PCSK2: variants seen among roughly 807,000 people sequenced by gnomAD.
The protein encoded by PCSK2 is neuroendocrine convertase 2.
Under a neutral mutation model 69.7 loss-of-function variants are expected in PCSK2, and 14 were observed. The observed-to-expected ratio is 0.20, with a 90% CI of 0.13 to 0.31. The LOEUF (loss-of-function observed/expected upper bound fraction) is 0.31, where lower values mean the gene tolerates loss of function less well. Among genes scored for constraint, PCSK2 ranks in the 10% least tolerant of loss-of-function variants. The pLI is 1.00. For synonymous variants in PCSK2, 307 were observed against 320.7 expected, an observed-to-expected ratio of 0.96 and a Z score of 0.46; for missense variants, 544 against 842.5, an observed-to-expected ratio of 0.65 and a Z score of 4.39.
At chr20:17,345,272 T>G (rs2123180322) in intron 2 of PCSK2, among the ~76,000 whole-genome samples, 1 of 152,282 alleles carries the variant, frequency 6.6e-6, no homozygotes, top group South Asian at 2.1e-4. Context: ...ATGAAATGAT[T>G]TCATGAATAT....
chr20:17,249,841 G>C (rs999354429), intron 1 of PCSK2, among the ~76,000 whole-genome samples: 3 of 152,088 alleles, frequency 2.0e-5, no homozygotes, highest in Non-Finnish European at 4.4e-5. Context: ...AGGGCTGGGG[G>C]GGGAATGGAG....
intron 1 of PCSK2, among the ~76,000 whole-genome samples, chr20:17,242,331 A>G (rs1220774273): frequency 1.3e-5 from 2 of 152,210 alleles, no homozygotes; most frequent in African/African-American, 4.8e-5. Context: ...GCCTCTTACA[A>G]ATCAGCTAAT....
At chr20:17,320,110 A>G (rs1258880576) in intron 2 of PCSK2, among the ~76,000 whole-genome samples, 1 of 152,178 alleles carries the variant, frequency 6.6e-6, no homozygotes, top group Non-Finnish European at 1.5e-5. Flanking sequence ...TCAAGGTGTT[A>G]TGTTTTTCTT....
intron 5 of PCSK2, among the ~76,000 whole-genome samples, chr20:17,379,145 G>A (rs993828463): frequency 4.6e-5 from 7 of 152,230 alleles, no homozygotes; most frequent in African/African-American, 1.7e-4. Flanking sequence ...TAAAGCCACA[G>A]TTCTGGGTGT....
chr20:17,475,487 C>T (rs1186062436), intron 11 of PCSK2, among the ~76,000 whole-genome samples: 1 of 152,028 alleles, frequency 6.6e-6, no homozygotes, highest in African/African-American at 2.4e-5. Flanking sequence ...TTTCACGTAG[C>T]GAAGGACCTT....
chr20:17,328,732 G>A (rs1230199979), intron 2 of PCSK2, among the ~76,000 whole-genome samples: 1 of 152,154 alleles, frequency 6.6e-6, no homozygotes, highest in Non-Finnish European at 1.5e-5. Flanking sequence ...GAGGACCAGA[G>A]GAAAAACTGA....
At chr20:17,261,767 T>C (rs1362280454) in intron 2 of PCSK2, among the ~76,000 whole-genome samples, 1 of 152,118 alleles carries the variant, frequency 6.6e-6, no homozygotes, top group African/African-American at 2.4e-5. Flanking sequence ...ATCACCCTGG[T>C]GCACCGTGAC....
At chr20:17,476,180 A>G (rs887848342) in intron 11 of PCSK2, among the ~76,000 whole-genome samples, 7 of 152,052 alleles carry the variant, frequency 4.6e-5, no homozygotes, top group African/African-American at 1.2e-4. Context: ...AGTTTCCCCA[A>G]CTGCTTTTCC....
intron 6 of PCSK2, among the ~76,000 whole-genome samples, chr20:17,424,356 T>C (rs2032198783): frequency 6.6e-6 from 1 of 152,228 alleles, no homozygotes; most frequent in African/African-American, 2.4e-5. Flanking sequence ...TACCTGATTA[T>C]AAGTTCATAA....
chr20:17,275,763 G>A (rs1988047118), intron 2 of PCSK2, among the ~76,000 whole-genome samples: 1 of 151,992 alleles, frequency 6.6e-6, no homozygotes, highest in Admixed American at 6.6e-5. Context: ...AAAAGAGGAG[G>A]GTGAATTCAG....
chr20:17,459,477 T>C (rs1479444847), intron 10 of PCSK2, among the ~76,000 whole-genome samples: 3 of 152,192 alleles, frequency 2.0e-5, no homozygotes, highest in Non-Finnish European at 4.4e-5. Flanking sequence ...ATATGTGCAA[T>C]TCTAGTAGAT....
At chr20:17,355,874 G>A (rs2123205548) in intron 2 of PCSK2, among the ~76,000 whole-genome samples, 1 of 152,272 alleles carries the variant, frequency 6.6e-6, no homozygotes, top group East Asian at 1.9e-4. Context: ...ATCCCCAACA[G>A]TTTTACCAAA....
intron 4 of PCSK2, among the ~76,000 whole-genome samples, chr20:17,365,928 A>G (rs2030575599): frequency 6.6e-6 from 1 of 152,166 alleles, no homozygotes; most frequent in Admixed American, 6.5e-5. Flanking sequence ...AGCAGCTCTC[A>G]TGGGGTGGAG....
chr20:17,379,034 C>A (rs1193727412), intron 5 of PCSK2, among the ~76,000 whole-genome samples: 3 of 152,110 alleles, frequency 2.0e-5, no homozygotes, highest in African/African-American at 7.2e-5. Context: ...TGGCAATAAC[C>A]CCTGGCTACA....
chr20:17,340,305 C>T (rs1434123655), intron 2 of PCSK2, among the ~76,000 whole-genome samples: 2 of 139,680 alleles, frequency 1.4e-5, no homozygotes, highest in Admixed American at 7.3e-5. Flanking sequence ...AACTAACTAG[C>T]TTTATTGTTG....
At chr20:17,310,180 A>G (rs1431143082) in intron 2 of PCSK2, among the ~76,000 whole-genome samples, 2 of 152,166 alleles carry the variant, frequency 1.3e-5, no homozygotes, top group Non-Finnish European at 2.9e-5. Context: ...AAGGAGTGCC[A>G]TTTCCATACA....
intron 2 of PCSK2, among the ~76,000 whole-genome samples, chr20:17,269,177 G>A (rs1416068291): frequency 1.3e-5 from 2 of 152,136 alleles, no homozygotes; most frequent in Non-Finnish European, 2.9e-5. Context: ...AAGGATCTAG[G>A]AGAGAGGTCA....
chr20:17,314,315 T>C (rs1989611409), intron 2 of PCSK2, among the ~76,000 whole-genome samples: 1 of 152,172 alleles, frequency 6.6e-6, no homozygotes, highest in South Asian at 2.1e-4. Context: ...AGAGCCAGGC[T>C]TGAAAATAAT....
intron 7 of PCSK2, among the ~76,000 whole-genome samples, chr20:17,431,137 T>C (rs2032356830): frequency 6.6e-6 from 1 of 151,290 alleles, no homozygotes; most frequent in Non-Finnish European, 1.5e-5. Context: ...AGTGAGGGAG[T>C]TGGGGAAGAA....
Sources: allele counts gnomAD v4.1 joint callset (sites outside exome capture counted in the v4.1 genomes callset), GRCh38; gene constraint gnomAD v4.1.1; transcripts MANE v1.5; gene names NCBI Gene and HGNC (gene_info 2026-07-23, HGNC 2026-07-21).